SPECC1: variants seen among roughly 807,000 people sequenced by gnomAD.
SPECC1 encodes cytospin-B.
In SPECC1, 62 loss-of-function variants were observed where a neutral mutation model predicts 104.1. That is an observed-to-expected ratio of 0.60 (90% CI 0.49 to 0.74). The LOEUF (loss-of-function observed/expected upper bound fraction) is 0.74, where lower values mean the gene tolerates loss of function less well. Ranked by LOEUF, SPECC1 falls within the 30% of genes least tolerant of loss-of-function variation. The pLI, the probability that SPECC1 is intolerant of heterozygous loss-of-function variation, is 0.00. For missense variants in SPECC1, 1,306 were observed against 1,310.5 expected (o/e 1.00, Z 0.05); for synonymous variants, 513 against 501.6 (o/e 1.02, Z -0.30).
At chr17:20,293,988 T>C (rs1304033387) in intron 12 of SPECC1, among the ~76,000 whole-genome samples, 1 of 152,068 alleles carries the variant, frequency 6.6e-6, no homozygotes, top group Non-Finnish European at 1.5e-5. Flanking sequence ...AATTGAATTT[T>C]TTTTGTTTTT....
intron 12 of SPECC1, among the ~76,000 whole-genome samples, chr17:20,296,323 A>G (rs1344693746): frequency 1.3e-5 from 2 of 152,164 alleles, no homozygotes; most frequent in South Asian, 2.1e-4. Flanking sequence ...CAAAGATCAG[A>G]TGGTTGTAGA....
intron 13 of SPECC1, among the ~76,000 whole-genome samples, chr17:20,303,739 G>T (rs2041667505): frequency 6.6e-6 from 1 of 152,132 alleles, no homozygotes; most frequent in Non-Finnish European, 1.5e-5. Flanking sequence ...GATCACCTGA[G>T]GTCAGGAGTT....
At chr17:20,040,598 G>C (rs1001471406) in intron 1 of SPECC1, among the ~76,000 whole-genome samples, 3 of 152,164 alleles carry the variant, frequency 2.0e-5, no homozygotes, top group African/African-American at 4.8e-5. Context: ...ACTGAATCTA[G>C]AATTTTGTGT....
chr17:20,226,549 G>C (rs147071827), intron 4 of SPECC1, among the ~76,000 whole-genome samples: 1 of 152,178 alleles, frequency 6.6e-6, no homozygotes, highest in Non-Finnish European at 1.5e-5. Flanking sequence ...AGGTAGGAGG[G>C]AAGATTGAGG....
chr17:20,205,865 C>G lies in SPECC1; in HGVS notation c.1816C>G (p.Leu606Val). The change falls in exon 4 of 15, where the codon CTA becomes GTA. Residue 606 changes from leucine (L) to valine (V), a missense_variant. This residue lies in a region of SPECC1 where 1,177 missense variants were observed against 1,139.9 expected (regional missense o/e 1.03). Coordinates refer to ENST00000395527, the MANE Select transcript of SPECC1 (RefSeq NM_001243439.2). ...LSCNELRQEL[L>V]KANGEIKHVS... ...TTGCAATGAGCTCAGACAAGAATTA[C>G]TAAAGGCAAACGGTGAAATTAAACA... 1.2e-6 allele frequency: 2 copies of G among 1,613,884 alleles called. No homozygotes were observed. The highest frequency in any genetic ancestry group is 1.7e-6 in the Non-Finnish European group (2 of 1,179,988).
chr17:20,163,545 A>G (rs911600442), intron 3 of SPECC1, among the ~76,000 whole-genome samples: 1 of 151,138 alleles, frequency 6.6e-6, no homozygotes, highest in Admixed American at 6.6e-5. Context: ...ATTCCAAAAC[A>G]TTTATATTCT....
At chr17:20,247,673 A>C (rs1194198112) in intron 9 of SPECC1, among the ~76,000 whole-genome samples, 1 of 152,214 alleles carries the variant, frequency 6.6e-6, no homozygotes, top group Non-Finnish European at 1.5e-5. Context: ...AAGATTACAT[A>C]ATATGTGGTG....
chr17:20,268,869 C>G (rs1164868344), intron 12 of SPECC1, among the ~76,000 whole-genome samples: 1 of 152,200 alleles, frequency 6.6e-6, no homozygotes, highest in Non-Finnish European at 1.5e-5. Flanking sequence ...CCCGCTCCCA[C>G]TCCCACTCTC....
At chr17:20,207,964 A>G (rs749800004) in intron 4 of SPECC1, among the ~76,000 whole-genome samples, 2 of 152,154 alleles carry the variant, frequency 1.3e-5, no homozygotes, top group Non-Finnish European at 2.9e-5. Flanking sequence ...CTTGACTAAA[A>G]TTCTTTGTTC....
chr17:20,318,922 G>C lies in SPECC1; in HGVS notation c.*4857G>C, dbSNP rs1598193167. ...TAAAGAGCACACTAGATTGTACCCAGCACTTTTGGATATGACATGCTAATT... is the reference window on the plus strand; with the variant it reads ...TAAAGAGCACACTAGATTGTACCCACCACTTTTGGATATGACATGCTAATT... On this transcript the variant is annotated 3_prime_UTR_variant, in exon 15 of 15. Transcript: ENST00000395527. The C allele has an allele frequency of 5.2e-6, 1 of 190,586 alleles. No individual in the cohort carries two copies. Among genetic ancestry groups the C allele is most frequent in the East Asian group, 8.3e-5 (1 of 12,006 alleles). The allele number at this position is 190,586 out of a possible 1,614,324, so 11.8% of individuals were successfully genotyped here. A position where few individuals can be genotyped will look rare whatever the true frequency, so the allele number is the denominator to read the frequency against.
intron 2 of SPECC1, among the ~76,000 whole-genome samples, chr17:20,107,906 G>T (rs1393749645): frequency 2.0e-5 from 3 of 152,130 alleles, no homozygotes; most frequent in Non-Finnish European, 4.4e-5. Context: ...AGCTACTTGG[G>T]AGGCTGAGGC....
rs1062296 is a variant in SPECC1, at chr17:20,257,536, G to A, written c.2766G>A (p.Pro922=). 89 of 1,613,418 alleles carry A rather than the reference G, an allele frequency of 5.5e-5. No individual in the cohort carries two copies. Among genetic ancestry groups the A allele is most frequent in the Non-Finnish European group, 6.6e-5 (78 of 1,179,890 alleles). The change falls in exon 11 of 15, where the codon CCG becomes CCA. Residue 922 remains proline (P), a synonymous_variant. Coordinates refer to ENST00000395527, the MANE Select transcript of SPECC1 (RefSeq NM_001243439.2). ...CACTAGAGTCACTGAGCAGACCCCC[G>A]TCTCTGGGCTTTGGGGACACAAGAC... The part of the protein sequence containing the change: ...SPSLESLSRP[P]SLGFGDTRLL...
intron 1 of SPECC1, among the ~76,000 whole-genome samples, chr17:20,082,734 C>T (rs2047022928): frequency 6.6e-6 from 1 of 152,138 alleles, no homozygotes. Flanking sequence ...GACCTCATTG[C>T]ACCTTAATTA....
chr17:20,278,083 G>A (rs2040634392), intron 12 of SPECC1, among the ~76,000 whole-genome samples: 1 of 151,976 alleles, frequency 6.6e-6, no homozygotes, highest in African/African-American at 2.4e-5. Flanking sequence ...CATATTCCTG[G>A]CCTGTGTGAA....
rs546207197 is a variant in SPECC1, at chr17:20,108,763, G to A, written c.148-1664G>A. Among the ~76,000 whole-genome samples the A allele has an allele frequency of 2.6e-5, 4 of 152,316 alleles. No individual in the cohort carries two copies. In the South Asian group the frequency reaches 8.3e-4, roughly 32 times the overall value. On this transcript the variant is annotated intron_variant, in intron 2 of 14. Coordinates refer to ENST00000395527, the MANE Select transcript of SPECC1 (RefSeq NM_001243439.2). ...TGGGCTGCTATAAAAAAGGTGCTAT[G>A]AACATTCTTTTGAGGGACCTATGTA... is the stretch of plus-strand genomic sequence containing the variant.
intron 7 of SPECC1, among the ~76,000 whole-genome samples, chr17:20,241,988 G>T (rs2039222230): frequency 6.6e-6 from 1 of 152,172 alleles, no homozygotes; most frequent in Non-Finnish European, 1.5e-5. Flanking sequence ...ACCTGGGGTT[G>T]GGCTTTGTTC....
At chr17:20,208,449 G>T (rs2036925486) in intron 4 of SPECC1, among the ~76,000 whole-genome samples, 1 of 152,192 alleles carries the variant, frequency 6.6e-6, no homozygotes, top group Non-Finnish European at 1.5e-5. Flanking sequence ...AATACTGATT[G>T]TATCTCTACC....
chr17:20,156,056 C>T (rs1597834012), intron 3 of SPECC1: 2 of 1,292,606 alleles, frequency 1.5e-6, no homozygotes, highest in Non-Finnish European at 2.0e-6. Context: ...CTGCTGGGAA[C>T]TGGAAGGCGC....
chr17:20,234,868 T>C (rs1236746204), intron 7 of SPECC1, among the ~76,000 whole-genome samples: 5 of 152,244 alleles, frequency 3.3e-5, no homozygotes, highest in Non-Finnish European at 5.9e-5. Flanking sequence ...AACAGTGGGA[T>C]ATTATCTAAC....
Sources: allele counts gnomAD v4.1 joint callset (sites outside exome capture counted in the v4.1 genomes callset), GRCh38; gene constraint gnomAD v4.1.1; regional missense constraint gnomAD v4.1.1; transcripts MANE v1.5; gene names NCBI Gene and HGNC (gene_info 2026-07-23, HGNC 2026-07-21).